Variants in ROBO2 observed in about 807,000 individuals in gnomAD.
ROBO2 encodes the protein roundabout homolog 2.
Under a neutral mutation model 160.8 loss-of-function variants are expected in ROBO2, and 53 were observed. The ratio of observed to expected loss-of-function variants is 0.33; its 90% confidence interval spans 0.26 to 0.41. The LOEUF is 0.41. Ranked by LOEUF, ROBO2 falls within the 10% of genes least tolerant of loss-of-function variation. The pLI is 1.00. For synonymous variants in ROBO2, 664 were observed against 611.7 expected, an observed-to-expected ratio of 1.09 and a Z score of -1.26; for missense variants, 1,577 against 1,722.4, an observed-to-expected ratio of 0.92 and a Z score of 1.49.
At chr3:76,576,591 A>G (rs2085302310) in intron 2 of ROBO2, among the ~76,000 whole-genome samples, 1 of 152,036 alleles carries the variant, frequency 6.6e-6, no homozygotes. Flanking sequence ...TTCCAAAAGC[A>G]GATTGAGAAT....
chr3:77,578,137 A>T (rs769161461), intron 15 of ROBO2, among the ~76,000 whole-genome samples: 5 of 152,116 alleles, frequency 3.3e-5, no homozygotes, highest in Non-Finnish European at 7.4e-5. Context: ...ATTTTACAAA[A>T]TACTGACTTA....
At chr3:76,810,151 A>G (rs1435194562) in intron 2 of ROBO2, among the ~76,000 whole-genome samples, 1 of 152,136 alleles carries the variant, frequency 6.6e-6, no homozygotes, top group Non-Finnish European at 1.5e-5. Context: ...AAAAAAGAGT[A>G]TGGAGAAAAT....
chr3:77,400,023 G>T (rs1220611684), intron 2 of ROBO2, among the ~76,000 whole-genome samples: 1 of 152,128 alleles, frequency 6.6e-6, no homozygotes, highest in Non-Finnish European at 1.5e-5. Context: ...AAAAGGGTTT[G>T]TGTGGCCAGA....
At chr3:76,880,103 G>A (rs1013872605) in intron 2 of ROBO2, among the ~76,000 whole-genome samples, 4 of 152,026 alleles carry the variant, frequency 2.6e-5, no homozygotes, top group Non-Finnish European at 5.9e-5. Flanking sequence ...TTCTCCCCTC[G>A]AAGTGTTTTT....
chr3:76,276,937 T>G (rs1170629735), intron 2 of ROBO2, among the ~76,000 whole-genome samples: 2 of 152,032 alleles, frequency 1.3e-5, no homozygotes, highest in Non-Finnish European at 2.9e-5. Context: ...TGGGACCCAA[T>G]TCTAAACATG....
intron 2 of ROBO2, among the ~76,000 whole-genome samples, chr3:76,195,927 C>G (rs1393803695): frequency 2.6e-5 from 4 of 152,102 alleles, no homozygotes; most frequent in African/African-American, 9.7e-5. Flanking sequence ...AAGGTAGGGT[C>G]AGAGACTCTG....
At chr3:77,071,695 G>A (rs2067431527) in intron 1 of ROBO2, among the ~76,000 whole-genome samples, 1 of 151,816 alleles carries the variant, frequency 6.6e-6, no homozygotes, top group South Asian at 2.1e-4. Context: ...AGCCACTGCT[G>A]TCTTTGCTGT....
intron 21 of ROBO2, among the ~76,000 whole-genome samples, chr3:77,614,372 A>G (rs2094718644): frequency 6.6e-6 from 1 of 152,234 alleles, no homozygotes; most frequent in African/African-American, 2.4e-5. Flanking sequence ...TTAAATTCAG[A>G]TTAGCACTCA....
At chr3:77,295,442 C>T (rs961618181) in intron 2 of ROBO2, among the ~76,000 whole-genome samples, 44 of 149,120 alleles carry the variant, frequency 3.0e-4, no homozygotes, top group Non-Finnish European at 4.7e-4. Context: ...GAGGCTAGAA[C>T]AGTAAAGACA....
intron 2 of ROBO2, among the ~76,000 whole-genome samples, chr3:76,192,875 C>G (rs2107190772): frequency 6.6e-6 from 1 of 152,288 alleles, no homozygotes; most frequent in South Asian, 2.1e-4. Flanking sequence ...CTTACACTTA[C>G]TGTATTTCTT....
intron 2 of ROBO2, among the ~76,000 whole-genome samples, chr3:76,522,017 T>A (rs1190637003): frequency 6.6e-6 from 1 of 152,198 alleles, no homozygotes; most frequent in East Asian, 1.9e-4. Flanking sequence ...TTTTTGTTTT[T>A]CAAGAATTTT....
At chr3:76,661,898 C>A (rs1197817638) in intron 2 of ROBO2, among the ~76,000 whole-genome samples, 1 of 152,128 alleles carries the variant, frequency 6.6e-6, no homozygotes, top group Admixed American at 6.5e-5. Flanking sequence ...AAAAACATAT[C>A]AAAAAATATA....
At chr3:76,668,032 C>G (rs572368913) in intron 2 of ROBO2, among the ~76,000 whole-genome samples, 5 of 152,262 alleles carry the variant, frequency 3.3e-5, no homozygotes, top group East Asian at 1.9e-4. Flanking sequence ...ATCAGACACT[C>G]TACTGCTGTG....
chr3:76,470,268 A>G (rs150711298), intron 2 of ROBO2, among the ~76,000 whole-genome samples: 2 of 152,264 alleles, frequency 1.3e-5, no homozygotes, highest in East Asian at 3.9e-4. Flanking sequence ...TCAGTTACCT[A>G]TTGCTGTGAA....
chr3:77,521,852 CA>C (rs2090631602), intron 5 of ROBO2, among the ~76,000 whole-genome samples: 1 of 151,126 alleles, frequency 6.6e-6, no homozygotes, highest in Non-Finnish European at 1.5e-5. Context: ...TAGGAAGTCA[CA>C]GCTAGTTTTG....
chr3:76,702,558 A>AG (rs1222163876), intron 2 of ROBO2, among the ~76,000 whole-genome samples: 2 of 152,200 alleles, frequency 1.3e-5, no homozygotes, highest in Admixed American at 6.6e-5. Flanking sequence ...AGACAGAGAA[A>AG]GAGAGAGAAT....
chr3:76,217,456 C>A (rs572327592), intron 2 of ROBO2, among the ~76,000 whole-genome samples: 1 of 152,098 alleles, frequency 6.6e-6, no homozygotes, highest in African/African-American at 2.4e-5. Flanking sequence ...ATCAAATAGA[C>A]GCAATAAAAA....
At chr3:77,444,573 T>C (rs914648482) in intron 2 of ROBO2, among the ~76,000 whole-genome samples, 1 of 152,170 alleles carries the variant, frequency 6.6e-6, no homozygotes, top group Non-Finnish European at 1.5e-5. Flanking sequence ...TTTGCCACCA[T>C]GAAAAGTTTT....
intron 24 of ROBO2, among the ~76,000 whole-genome samples, chr3:77,641,331 C>T (rs2095347607): frequency 6.6e-6 from 1 of 152,176 alleles, no homozygotes; most frequent in South Asian, 2.1e-4. Context: ...GGAGATGCTC[C>T]AGAGACCAAC....
Sources: gnomAD v4.1 joint callset for allele counts (sites outside exome capture counted in the v4.1 genomes callset) on GRCh38, gnomAD v4.1.1 for gene constraint, MANE v1.5 for transcripts, NCBI Gene and HGNC (gene_info 2026-07-23, HGNC 2026-07-21) for gene names.